The following WDR70 variants were observed in gnomAD, a reference collection of about 807,000 sequenced individuals.
WDR70 encodes WD repeat domain 70, also known as WD repeat-containing protein 70.
WDR70 carries 53 observed loss-of-function variants against 88.6 expected under a neutral mutation model. The ratio of observed to expected loss-of-function variants is 0.60; its 90% CI spans 0.48 to 0.75. The LOEUF (loss-of-function observed/expected upper bound fraction) is 0.75. WDR70 is among the 30% of genes least tolerant of loss of function. WDR70 has a pLI of 0.00. For missense variants in WDR70, 610 were observed against 823.2 expected (o/e 0.74, Z 3.17); for synonymous variants, 280 against 270.0 (o/e 1.04, Z -0.36).
chr5:37,665,849 T>C (rs752739709), intron 10 of WDR70, among the ~76,000 whole-genome samples: 3 of 152,188 alleles, frequency 2.0e-5, no homozygotes, highest in Non-Finnish European at 4.4e-5. Flanking sequence ...TAAGGTCAGC[T>C]CCAAGGAAAC....
chr5:37,450,334 C>T (rs1319362260), intron 7 of WDR70, among the ~76,000 whole-genome samples: 2 of 152,034 alleles, frequency 1.3e-5, no homozygotes, highest in Admixed American at 6.5e-5. Context: ...GCTCATTGCT[C>T]CTGGGATGTC....
chr5:37,699,702 C>T (rs1747094601), intron 11 of WDR70, among the ~76,000 whole-genome samples: 1 of 151,950 alleles, frequency 6.6e-6, no homozygotes, highest in Non-Finnish European at 1.5e-5. Context: ...AATCCCAGCA[C>T]TTTGGGAGGC....
intron 9 of WDR70, among the ~76,000 whole-genome samples, chr5:37,581,785 A>G (rs1743222733): frequency 2.0e-5 from 3 of 152,264 alleles, no homozygotes; most frequent in Admixed American, 2.0e-4. Flanking sequence ...AAAACTATAC[A>G]CAGATCTAGA....
At chr5:37,715,553 A>T (rs1400479911) in intron 13 of WDR70, among the ~76,000 whole-genome samples, 9 of 152,138 alleles carry the variant, frequency 5.9e-5, no homozygotes, top group Non-Finnish European at 1.5e-5. Flanking sequence ...ACTGGGGCTT[A>T]CTCACCATGT....
In WDR70 at chr5:37,415,388, G is replaced by C. The variant is rs536184106; in HGVS notation, c.492+18818G>C. ...CAGAGGCACCCCTCACCTCCCGGAC[G>C]GGGCGGCTGGCCGGGCGGGGGGCTG... On this transcript the variant is annotated intron_variant, in intron 5 of 17. Coordinates refer to ENST00000265107, the MANE Select transcript of WDR70 (RefSeq NM_018034.4). Among the ~76,000 whole-genome samples the C allele has an allele frequency of 1.7e-5, 2 of 116,828 alleles. 1 individual carries two copies. Among genetic ancestry groups the C allele is most frequent in the Admixed American group, 1.8e-4 (2 of 11,326 alleles). The allele number at this position is 116,828 out of a possible 152,430, so 76.6% of individuals were successfully genotyped here. A position where few individuals can be genotyped will look rare whatever the true frequency, so the allele number is the denominator to read the frequency against.
At chr5:37,404,497 G>A (rs571603941) in intron 5 of WDR70, among the ~76,000 whole-genome samples, 2 of 152,174 alleles carry the variant, frequency 1.3e-5, no homozygotes, top group Non-Finnish European at 2.9e-5. Context: ...ATATGTGCAT[G>A]TTAATGTCTC....
chr5:37,417,155 T>C (rs1749781845), intron 5 of WDR70, among the ~76,000 whole-genome samples: 1 of 152,240 alleles, frequency 6.6e-6, no homozygotes, highest in African/African-American at 2.4e-5. Flanking sequence ...AAGCATACTT[T>C]AAGTGCAGTG....
At chr5:37,494,067 C>T (rs1157120224) in intron 8 of WDR70, among the ~76,000 whole-genome samples, 1 of 152,148 alleles carries the variant, frequency 6.6e-6, no homozygotes, top group East Asian at 1.9e-4. Context: ...GATCCACCCA[C>T]CTTGGCCTCC....
At chr5:37,635,490 A>G (rs566625784) in intron 10 of WDR70, among the ~76,000 whole-genome samples, 1 of 152,348 alleles carries the variant, frequency 6.6e-6, no homozygotes, top group Admixed American at 6.5e-5. Context: ...TTTAAAATTT[A>G]CATCTGCAGT....
chr5:37,614,288 G>A (rs748633715), intron 10 of WDR70, among the ~76,000 whole-genome samples: 6 of 152,068 alleles, frequency 3.9e-5, no homozygotes, highest in African/African-American at 1.2e-4. Context: ...ATAACACTGC[G>A]ACCTTCTGTT....
intron 8 of WDR70, among the ~76,000 whole-genome samples, chr5:37,496,533 G>C (rs969662916): frequency 6.6e-6 from 1 of 152,174 alleles, no homozygotes; most frequent in Non-Finnish European, 1.5e-5. Flanking sequence ...AGGTCAGTGA[G>C]ACCAAGAACC....
chr5:37,702,980 C>T lies in WDR70; in HGVS notation c.1309C>T (p.Leu437Phe), dbSNP rs1747208935. The T allele has an allele frequency of 1.2e-6, 2 of 1,613,366 alleles. No individual in the cohort carries two copies. The highest frequency in any genetic ancestry group is 1.7e-6 in the Non-Finnish European group (2 of 1,179,488). The change falls in exon 13 of 18, where the codon CTC (leucine) becomes TTC (phenylalanine). Residue 437 changes from leucine to phenylalanine, a missense_variant. Physicochemically the swap from Leu to Phe is conservative, Grantham distance 22 (BLOSUM62 0). Transcript: ENST00000265107. ...TDCCFSPDDK[L>F]IVTGTSIQRG... is the part of the protein sequence containing the mutation. ...CTGCTGTTTCAGTCCAGATGATAAGCTCATAGTCACTGGTACATCTATTCA... is the reference window on the plus strand; with the variant it reads ...CTGCTGTTTCAGTCCAGATGATAAGTTCATAGTCACTGGTACATCTATTCA...
Position 37,732,261 on chromosome 5 carries a change from G to A in WDR70, c.1877+5216G>A, listed in dbSNP as rs371348475. ...CATTGTTTAAAAATGCAGGTATATA[G>A]CATGTTTTACAAGCTGATTTGTGGT... On this transcript the variant is annotated intron_variant, in intron 17 of 17. Transcript: ENST00000265107. Among the ~76,000 whole-genome samples the A allele has an allele frequency of 6.6e-5, 10 of 152,056 alleles. No homozygotes were observed. In the East Asian group the frequency reaches 1.7e-3, roughly 26 times the overall value.
At chr5:37,714,639 G>C (rs781723832) in intron 13 of WDR70, among the ~76,000 whole-genome samples, 2 of 152,138 alleles carry the variant, frequency 1.3e-5, no homozygotes, top group Non-Finnish European at 2.9e-5. Flanking sequence ...CTGCATCTAA[G>C]TGGATCCCAT....
chr5:37,396,363 C>T lies in WDR70; in HGVS notation c.297-12C>T. ...CAGCAGAGGCAAAGAGTTTCTGTTT[C>T]TGTATTTTCAGGGATACGAGCAGCA... is the stretch of plus-strand genomic sequence containing the variant. On this transcript the variant is annotated splice_polypyrimidine_tract_variant and intron_variant, in intron 4 of 17. Coordinates refer to ENST00000265107, the MANE Select transcript of WDR70 (RefSeq NM_018034.4). 2.5e-6 allele frequency: 4 copies of T among 1,592,208 alleles called. No individual in the cohort carries two copies. The highest frequency in any genetic ancestry group is 3.4e-6 in the Non-Finnish European group (4 of 1,169,530).
chr5:37,528,578 T>C lies in WDR70; in HGVS notation c.917+11988T>C, dbSNP rs546672835. On this transcript the variant is annotated intron_variant, in intron 9 of 17. Coordinates refer to ENST00000265107, the MANE Select transcript of WDR70 (RefSeq NM_018034.4). ...CACCAACATGGCACATGTAAACATATGTAACAAACCTGCACGTTGTACACA... is the reference window on the plus strand; with the variant it reads ...CACCAACATGGCACATGTAAACATACGTAACAAACCTGCACGTTGTACACA... 2.4e-4 allele frequency among the ~76,000 whole-genome samples: 36 copies of C among 152,288 alleles called. No individual in the cohort carries two copies. The South Asian group carries it at 6.6e-3, about 28-fold the overall frequency.
chr5:37,622,560 C>T (rs1040117559), intron 10 of WDR70, among the ~76,000 whole-genome samples: 6 of 152,066 alleles, frequency 3.9e-5, no homozygotes, highest in Non-Finnish European at 5.9e-5. Context: ...TACTATGCAG[C>T]CTTAAAAAGG....
chr5:37,629,894 C>T (rs561757206), intron 10 of WDR70, among the ~76,000 whole-genome samples: 3 of 152,168 alleles, frequency 2.0e-5, no homozygotes, highest in African/African-American at 7.2e-5. Flanking sequence ...GTGGTCGCCT[C>T]TTCCAATTTT....
intron 5 of WDR70, among the ~76,000 whole-genome samples, chr5:37,409,728 C>G (rs1749464915): frequency 6.6e-6 from 1 of 151,900 alleles, no homozygotes; most frequent in South Asian, 2.1e-4. Context: ...TGGTCACAAA[C>G]TCCTGAACAT....
Sources: allele counts gnomAD v4.1 joint callset (sites outside exome capture counted in the v4.1 genomes callset), GRCh38; gene constraint gnomAD v4.1.1; transcripts MANE v1.5; gene names NCBI Gene and HGNC (gene_info 2026-07-23, HGNC 2026-07-21).